CLNK: variants seen among roughly 807,000 people sequenced by gnomAD.
CLNK encodes the protein cytokine-dependent hematopoietic cell linker.
A neutral mutation model predicts 68.6 loss-of-function variants in CLNK; 74 were observed. The observed-to-expected ratio is 1.08, with a 90% CI of 0.89 to 1.31. The LOEUF (loss-of-function observed/expected upper bound fraction) is 1.31, where lower values mean the gene tolerates loss of function less well. Ranked by LOEUF, CLNK falls within the 50% of genes most tolerant of loss-of-function variation. CLNK has a pLI of 0.00. For missense variants in CLNK, 553 were observed against 515.3 expected (o/e 1.07, Z -0.71); for synonymous variants, 198 against 172.2 (o/e 1.15, Z -1.17).
In CLNK at chr4:10,490,400, CT is replaced by C. The variant is rs1716517312; in HGVS notation, c.*66del. The C allele has an allele frequency of 1.3e-6, 2 of 1,534,644 alleles. No homozygotes were observed. Among genetic ancestry groups the C allele is most frequent in the South Asian group, 2.5e-5 (2 of 79,260 alleles). ...GTCCCTTGAAGGCACAGAAAATAAA[CT>C]TTTGAAATCAATGAAAACAATGGAA... On this transcript the variant is annotated 3_prime_UTR_variant, in exon 19 of 19. Transcript: ENST00000226951.
chr4:10,645,868 G>A lies in CLNK; in HGVS notation c.11+21991C>T, dbSNP rs553661125. ...CTCCCTACACAAAGAAAAGATAAAT[G>A]TTTGAGGTGATGGATATCCCAAATA... On this transcript the variant is annotated intron_variant, in intron 2 of 18. Coordinates refer to ENST00000226951, the MANE Select transcript of CLNK (RefSeq NM_052964.4). Among the ~76,000 whole-genome samples the A allele has an allele frequency of 2.0e-5, 3 of 152,284 alleles. No homozygotes were observed. The South Asian group carries it at 6.2e-4, about 32-fold the overall frequency.
At chr4:10,615,864 G>C (rs934111216) in intron 2 of CLNK, among the ~76,000 whole-genome samples, 1 of 152,160 alleles carries the variant, frequency 6.6e-6, no homozygotes, top group Non-Finnish European at 1.5e-5. Context: ...AATAACAAAG[G>C]AGGCATTCAA....
chr4:10,709,935 C>A, the CLNK span, among the ~76,000 whole-genome samples: 1 of 152,286 alleles, frequency 6.6e-6, no homozygotes, highest in South Asian at 2.1e-4. Flanking sequence ...CAGCTCAAAC[C>A]AGCAGAGTTT....
At chr4:10,532,105 T>A (rs1251839894) in intron 12 of CLNK, 151 bp downstream of exon 12, 1 of 711,256 alleles carries the variant, frequency 1.4e-6, no homozygotes, top group Admixed American at 2.2e-5. Flanking sequence ...TTGGCTTTCT[T>A]ATCTTTAAAA....
rs574716333 is a variant in CLNK, at chr4:10,580,445, C to T, written c.112+4482G>A. Among the ~76,000 whole-genome samples the T allele has an allele frequency of 2.0e-4, 30 of 152,228 alleles. No individual in the cohort carries two copies. The East Asian group carries it at 3.7e-3, about 19-fold the overall frequency. ...TAAAACAGTCTCAGGCAGGCCCTTT[C>T]GGAGGGATTCCAGAAGAAGTCATTG... On this transcript the variant is annotated intron_variant, in intron 4 of 18. Coordinates refer to ENST00000226951, the MANE Select transcript of CLNK (RefSeq NM_052964.4).
At chr4:10,730,230 T>C in the CLNK span, among the ~76,000 whole-genome samples, 1 of 152,132 alleles carries the variant, frequency 6.6e-6, no homozygotes, top group Non-Finnish European at 1.5e-5. Flanking sequence ...AACCTCACAT[T>C]GTAAAGAATT....
chr4:10,623,666 T>C (rs1187773921), intron 2 of CLNK, among the ~76,000 whole-genome samples: 1 of 152,276 alleles, frequency 6.6e-6, no homozygotes, highest in Non-Finnish European at 1.5e-5. Context: ...AAGTTTTAGA[T>C]ACTAAGTGTT....
At chr4:10,669,292 TA>T in intron 1 of CLNK, among the ~76,000 whole-genome samples, 1 of 152,164 alleles carries the variant, frequency 6.6e-6, no homozygotes, top group Non-Finnish European at 1.5e-5. Flanking sequence ...CTCCTCTTAT[TA>T]AAATGTTTTG....
chr4:10,585,751 C>T (rs1359566356), intron 3 of CLNK, among the ~76,000 whole-genome samples: 6 of 152,276 alleles, frequency 3.9e-5, no homozygotes, highest in East Asian at 1.9e-4. Context: ...CAGGAGTTCA[C>T]GTCCAACCTG....
At chr4:10,620,073 C>T (rs1262439088) in intron 2 of CLNK, among the ~76,000 whole-genome samples, 3 of 152,132 alleles carry the variant, frequency 2.0e-5, no homozygotes, top group African/African-American at 7.2e-5. Context: ...TCTTCACGGC[C>T]AAGTGAGAAA....
the CLNK span, among the ~76,000 whole-genome samples, chr4:10,716,030 T>C: frequency 2.6e-5 from 4 of 152,212 alleles, no homozygotes; most frequent in African/African-American, 9.6e-5. Context: ...TTTAATAATA[T>C]ATAACGAAGG....
intron 11 of CLNK, among the ~76,000 whole-genome samples, chr4:10,533,160 A>C (rs1718620706): frequency 6.6e-6 from 1 of 152,214 alleles, no homozygotes; most frequent in Non-Finnish European, 1.5e-5. Flanking sequence ...CGGGAGGCTG[A>C]GGCAGGAGAG....
chr4:10,528,387 ATACTCT>A (rs1718405842), intron 12 of CLNK, among the ~76,000 whole-genome samples: 1 of 152,216 alleles, frequency 6.6e-6, no homozygotes, highest in South Asian at 2.1e-4. Context: ...AACCTTAGAA[ATACTCT>A]TATTCTTATC....
At position 10,610,056 on chromosome 4, in the gene CLNK, T is replaced by G. The variant is rs1051477104; in HGVS notation, c.12-12007A>C. On this transcript the variant is annotated intron_variant, in intron 2 of 18. Transcript: ENST00000226951. The stretch of plus-strand genomic sequence containing the variant: ...TCGTTTTTTTTTTTTTTTTTTTTTT[T>G]TTTTTTTTTTTTTTTTTTGAGACGG... Among the ~76,000 whole-genome samples, 860 of 121,178 alleles carry G rather than the reference T, an allele frequency of 7.1e-3. 14 individuals carry two copies. The highest frequency in any genetic ancestry group is 0.019 in the Middle Eastern group (5 of 260). 79.5% of individuals were successfully genotyped at this position (121,178 alleles called of 152,430 possible).
At chr4:10,718,631 A>C in the CLNK span, among the ~76,000 whole-genome samples, 1 of 152,124 alleles carries the variant, frequency 6.6e-6, no homozygotes, top group African/African-American at 2.4e-5. Context: ...CGTCACTAGC[A>C]GAAGCAGACC....
the CLNK span, among the ~76,000 whole-genome samples, chr4:10,732,809 C>T: frequency 6.6e-6 from 1 of 152,016 alleles, no homozygotes; most frequent in Non-Finnish European, 1.5e-5. Context: ...TCTCCCTCCT[C>T]ATGGGTTCCT....
chr4:10,530,057 C>T (rs1718476214), intron 12 of CLNK, among the ~76,000 whole-genome samples: 1 of 151,840 alleles, frequency 6.6e-6, no homozygotes, highest in African/African-American at 2.4e-5. Context: ...TTCTCTGCCC[C>T]CTCCTTTCAT....
At chr4:10,543,372 TAGG>T (rs1176728251) in intron 8 of CLNK, among the ~76,000 whole-genome samples, 9 of 152,166 alleles carry the variant, frequency 5.9e-5, no homozygotes, top group Non-Finnish European at 1.2e-4. Context: ...TCTTTTGTTA[TAGG>T]AGACTTAAAC....
chr4:10,574,977 C>T (rs1720503285), intron 4 of CLNK, among the ~76,000 whole-genome samples: 1 of 152,204 alleles, frequency 6.6e-6, no homozygotes, highest in Non-Finnish European at 1.5e-5. Context: ...ACTTGGGGAG[C>T]TCGGTTGTTG....
Sources: gnomAD v4.1 joint callset for allele counts (sites outside exome capture counted in the v4.1 genomes callset) on GRCh38, gnomAD v4.1.1 for gene constraint, MANE v1.5 for transcripts, NCBI Gene and HGNC (gene_info 2026-07-23, HGNC 2026-07-21) for gene names.